RGS6: variants seen among roughly 807,000 people sequenced by gnomAD.
RGS6 encodes the protein regulator of G-protein signaling 6.
In RGS6, 30 loss-of-function variants were observed where a neutral mutation model predicts 78.5. The ratio of observed to expected loss-of-function variants is 0.38; its 90% confidence interval spans 0.29 to 0.52. The LOEUF (loss-of-function observed/expected upper bound fraction) is 0.52. RGS6 is among the 20% of genes least tolerant of loss of function. The pLI, the probability that RGS6 is intolerant of heterozygous loss-of-function variation, is 0.85. For missense variants in RGS6, 495 were observed against 609.7 expected, an observed-to-expected ratio of 0.81 and a Z score of 1.98; for synonymous variants, 206 against 206.0, an observed-to-expected ratio of 1.00 and a Z score of 0.00.
intron 2 of RGS6, among the ~76,000 whole-genome samples, chr14:72,048,244 A>G (rs149099732): frequency 1.2e-3 from 182 of 152,212 alleles, no homozygotes; most frequent in African/African-American, 4.1e-3. Context: ...CGCTCTTTAA[A>G]CTTGAATTTC....
intron 15 of RGS6, among the ~76,000 whole-genome samples, chr14:72,532,124 T>A (rs1416593022): frequency 1.3e-5 from 2 of 152,252 alleles, no homozygotes; most frequent in Admixed American, 6.5e-5. Context: ...CAACCCTGCA[T>A]CAAACAAGTC....
Position 72,040,064 on chromosome 14 carries a change from C to T in RGS6, c.84+75189C>T, listed in dbSNP as rs1420280606. 3.3e-5 allele frequency among the ~76,000 whole-genome samples: 5 copies of T among 152,146 alleles called. 1 individual carries two copies. The highest frequency in any genetic ancestry group is 3.3e-4 in the Admixed American group (5 of 15,284). On this transcript the variant is annotated intron_variant, in intron 2 of 17. Transcript: ENST00000553525. ...TTGCATATCCAATCAAGCTTTCAAA[C>T]TATATCCTTTTATATTGCATATCCA...
rs149639 is a variant in RGS6, at chr14:72,188,600, A to G, written c.85-163495A>G. 7.7e-4 allele frequency among the ~76,000 whole-genome samples: 117 copies of G among 152,200 alleles called. 1 individual carries two copies. In the Middle Eastern group the frequency reaches 0.014, roughly 18 times the overall value. The stretch of plus-strand genomic sequence containing the variant: ...TTGGGTATTCCCTTCAGTCATTGTT[A>G]CGTTGCATTCACATCTTTGTATAAC... On this transcript the variant is annotated intron_variant, in intron 2 of 17. Coordinates refer to ENST00000553525, the MANE Select transcript of RGS6 (RefSeq NM_001204424.2).
At chr14:72,057,028 T>G (rs1038732755) in intron 2 of RGS6, among the ~76,000 whole-genome samples, 1 of 152,024 alleles carries the variant, frequency 6.6e-6, no homozygotes, top group African/African-American at 2.4e-5. Flanking sequence ...TTAAGAATGT[T>G]TGCGGCCTGG....
rs1412395654 is a variant in RGS6, at chr14:72,562,612, G to A, written c.*145G>A. ...TGAGGGCAATGAAGGGCGATGGTGG[G>A]GAGACTCGGTGGGTGAATGGGGAGA... On this transcript the variant is annotated 3_prime_UTR_variant, in exon 18 of 18. Coordinates refer to ENST00000553525, the MANE Select transcript of RGS6 (RefSeq NM_001204424.2). 3 of 1,533,968 alleles carry A rather than the reference G, an allele frequency of 2.0e-6. No individual in the cohort carries two copies. Among genetic ancestry groups the A allele is most frequent in the East Asian group, 4.9e-5 (2 of 40,860 alleles).
At chr14:72,386,281 T>C (rs893737336) in intron 3 of RGS6, among the ~76,000 whole-genome samples, 2 of 152,206 alleles carry the variant, frequency 1.3e-5, no homozygotes, top group Non-Finnish European at 2.9e-5. Context: ...CTCACATCTG[T>C]AATCCTAGCA....
In RGS6 at chr14:72,008,773, A is replaced by C. The variant is rs538622563; in HGVS notation, c.84+43898A>C. 4.6e-5 allele frequency among the ~76,000 whole-genome samples: 7 copies of C among 152,300 alleles called. No homozygotes were observed. In the South Asian group the frequency reaches 1.0e-3, roughly 23 times the overall value. Reference sequence around the variant, plus strand: ...CTAGTTCCAATCAAGGCTTCAGATGATGCAGACCAGATTGACAGTTTGACT... The same window carrying C: ...CTAGTTCCAATCAAGGCTTCAGATGCTGCAGACCAGATTGACAGTTTGACT... On this transcript the variant is annotated intron_variant, in intron 2 of 17. Transcript: ENST00000553525.
intron 2 of RGS6, among the ~76,000 whole-genome samples, chr14:71,975,977 A>G (rs1366781812): frequency 6.6e-6 from 1 of 152,010 alleles, no homozygotes; most frequent in Non-Finnish European, 1.5e-5. Context: ...TCTCTCTTCA[A>G]TATATTAGAT....
chr14:72,609,699 A>T, the RGS6 span, among the ~76,000 whole-genome samples: 3 of 152,186 alleles, frequency 2.0e-5, no homozygotes, highest in East Asian at 5.8e-4. Context: ...GTGAAGGAGG[A>T]GGACAGCTAA....
At chr14:71,930,874 G>A (rs1211140343), upstream of RGS6, among the ~76,000 whole-genome samples, 2 of 150,822 alleles carry the variant, frequency 1.3e-5, no homozygotes, top group Admixed American at 6.6e-5. Flanking sequence ...CTACTTGGGA[G>A]GCTGAGGCAG....
chr14:72,196,066 G>C (rs371378234), intron 2 of RGS6, among the ~76,000 whole-genome samples: 5 of 152,264 alleles, frequency 3.3e-5, no homozygotes, highest in South Asian at 2.1e-4. Context: ...CATTTTAGTA[G>C]TGGAGCCATG....
intron 3 of RGS6, among the ~76,000 whole-genome samples, chr14:72,364,191 C>G (rs2082053933): frequency 6.6e-6 from 1 of 152,064 alleles, no homozygotes; most frequent in African/African-American, 2.4e-5. Flanking sequence ...AGATCCTGCA[C>G]TTGGCCAGCA....
At chr14:71,875,481 G>C in the RGS6 span, among the ~76,000 whole-genome samples, 1 of 152,012 alleles carries the variant, frequency 6.6e-6, no homozygotes, top group Non-Finnish European at 1.5e-5. Context: ...CTGTGGGATC[G>C]GTGATGATAT....
chr14:72,488,765 GCACT>G (rs1598259497), intron 12 of RGS6, among the ~76,000 whole-genome samples: 1 of 152,152 alleles, frequency 6.6e-6, no homozygotes, highest in African/African-American at 2.4e-5. Flanking sequence ...CCTCAGCCCA[GCACT>G]CACTCAGGGC....
At chr14:72,500,036 C>A (rs1391799921) in intron 13 of RGS6, among the ~76,000 whole-genome samples, 1 of 152,200 alleles carries the variant, frequency 6.6e-6, no homozygotes, top group Non-Finnish European at 1.5e-5. Flanking sequence ...AATGTGTGAA[C>A]CTAATTCACA....
chr14:71,939,695 A>G (rs1320235747), intron 1 of RGS6, among the ~76,000 whole-genome samples: 2 of 152,372 alleles, frequency 1.3e-5, no homozygotes, highest in East Asian at 3.9e-4. Flanking sequence ...TGCAATTGGC[A>G]TCACCACTTG....
chr14:72,053,008 T>C (rs1596673030), intron 2 of RGS6, among the ~76,000 whole-genome samples: 1 of 105,942 alleles, frequency 9.4e-6, no homozygotes, highest in Non-Finnish European at 2.1e-5. Flanking sequence ...TCTCTCTCTT[T>C]CTTTCCTTCT....
the RGS6 span, among the ~76,000 whole-genome samples, chr14:71,880,474 G>T: frequency 3.3e-5 from 5 of 152,144 alleles, no homozygotes; most frequent in African/African-American, 1.2e-4. Flanking sequence ...GGTTTTGTGG[G>T]CCAGGCCTAG....
chr14:72,029,033 A>G (rs948913634), intron 2 of RGS6, among the ~76,000 whole-genome samples: 1 of 152,182 alleles, frequency 6.6e-6, no homozygotes, highest in Non-Finnish European at 1.5e-5. Context: ...TATTTTAAGA[A>G]TTTTCTTACA....
Sources: allele counts gnomAD v4.1 joint callset (sites outside exome capture counted in the v4.1 genomes callset), GRCh38; gene constraint gnomAD v4.1.1; transcripts MANE v1.5; gene names NCBI Gene and HGNC (gene_info 2026-07-23, HGNC 2026-07-21).